Variants in ZBTB20 observed in about 807,000 individuals in gnomAD.
The protein encoded by ZBTB20 is zinc finger and BTB domain-containing protein 20.
Under a neutral mutation model 56.9 loss-of-function variants are expected in ZBTB20, and 9 were observed. The ratio of observed to expected loss-of-function variants is 0.16; its 90% CI spans 0.10 to 0.28. The LOEUF is 0.28. Among genes scored for constraint, ZBTB20 ranks in the 10% least tolerant of loss-of-function variants. The pLI, the probability that ZBTB20 is intolerant of heterozygous loss-of-function variation, is 1.00. For missense variants in ZBTB20, 655 were observed against 1,003.0 expected (o/e 0.65, Z 4.69); for synonymous variants, 417 against 420.7 (o/e 0.99, Z 0.11).
intron 7 of ZBTB20, among the ~76,000 whole-genome samples, chr3:114,389,857 C>T (rs1009613262): frequency 1.1e-4 from 15 of 138,464 alleles, no homozygotes; most frequent in Non-Finnish European, 1.7e-4. Flanking sequence ...CCACTGCACT[C>T]CAGCCTGGCA....
intron 2 of ZBTB20, among the ~76,000 whole-genome samples, chr3:115,049,526 A>G (rs1248555305): frequency 6.6e-6 from 1 of 152,168 alleles, no homozygotes; most frequent in African/African-American, 2.4e-5. Flanking sequence ...TTATATACGT[A>G]GCCTTAAGGT....
rs968953172 is a variant in ZBTB20, at chr3:114,335,504, C to A, written c.*3501G>T. 3 of 152,162 alleles carry A rather than the reference C, an allele frequency of 2.0e-5. No homozygotes were observed. Among genetic ancestry groups the A allele is most frequent in the Non-Finnish European group, 4.4e-5 (3 of 68,022 alleles). The allele number at this position is 152,162 out of a possible 1,614,324, so 9.4% of individuals were successfully genotyped here. On this transcript the variant is annotated 3_prime_UTR_variant, in exon 12 of 12. Coordinates refer to ENST00000675478, the MANE Select transcript of ZBTB20 (RefSeq NM_001348800.3). The stretch of plus-strand genomic sequence containing the variant: ...GCATCTCTATCCTTTTGAAACAGGT[C>A]CAGATTGGTTTATTTCCTAAAATGT...
At chr3:114,610,736 A>G (rs987524625) in intron 6 of ZBTB20, among the ~76,000 whole-genome samples, 1 of 152,206 alleles carries the variant, frequency 6.6e-6, no homozygotes, top group Non-Finnish European at 1.5e-5. Flanking sequence ...TGGGGCATAT[A>G]CATTTTGCTG....
chr3:114,341,888 C>T (rs903740000), intron 11 of ZBTB20, among the ~76,000 whole-genome samples: 2 of 152,170 alleles, frequency 1.3e-5, no homozygotes, highest in Admixed American at 6.5e-5. Context: ...CAGTGAATGA[C>T]CCAAGGGCAA....
At chr3:114,576,108 C>A (rs552295609) in intron 6 of ZBTB20, among the ~76,000 whole-genome samples, 9 of 152,298 alleles carry the variant, frequency 5.9e-5, no homozygotes, top group Non-Finnish European at 1.0e-4. Flanking sequence ...TTATTAAGCA[C>A]CTACTTTGTG....
chr3:114,902,928 A>G (rs953341503), intron 3 of ZBTB20, among the ~76,000 whole-genome samples: 3 of 152,176 alleles, frequency 2.0e-5, no homozygotes, highest in Non-Finnish European at 4.4e-5. Flanking sequence ...AGATTCTCTC[A>G]ATAGCAGTTC....
intron 6 of ZBTB20, among the ~76,000 whole-genome samples, chr3:114,514,463 T>A (rs927402102): frequency 2.6e-5 from 4 of 152,216 alleles, no homozygotes; most frequent in African/African-American, 9.6e-5. Flanking sequence ...GAGCTTTTCT[T>A]ACGAATACCA....
chr3:115,110,392 C>T (rs1365115214), intron 1 of ZBTB20, among the ~76,000 whole-genome samples: 1 of 152,010 alleles, frequency 6.6e-6, no homozygotes, highest in Non-Finnish European at 1.5e-5. Context: ...CACTTAGCCC[C>T]AATAAGCTGT....
chr3:114,999,032 A>C (rs1576527007), intron 2 of ZBTB20, among the ~76,000 whole-genome samples: 1 of 71,458 alleles, frequency 1.4e-5, no homozygotes, highest in African/African-American at 5.5e-5. Context: ...TGGGGAGGGG[A>C]GGGGAGGGAA....
intron 6 of ZBTB20, among the ~76,000 whole-genome samples, chr3:114,612,648 T>C (rs1005195617): frequency 6.6e-6 from 1 of 152,216 alleles, no homozygotes; most frequent in Non-Finnish European, 1.5e-5. Flanking sequence ...ATATTCACTA[T>C]TAGACATACT....
chr3:114,398,403 G>A (rs2086524151), intron 7 of ZBTB20, among the ~76,000 whole-genome samples: 1 of 152,092 alleles, frequency 6.6e-6, no homozygotes, highest in African/African-American at 2.4e-5. Flanking sequence ...CCCAATTTCT[G>A]TAGCTATTGG....
rs1460252990 is a variant in ZBTB20, at chr3:114,338,136, T to C, written c.*869A>G. ...AGATTGTTGGAAATAATCCTTCTCT[T>C]GTACCTAGAAACATAGGTGCAAATT... On this transcript the variant is annotated 3_prime_UTR_variant, in exon 12 of 12. Coordinates refer to ENST00000675478, the MANE Select transcript of ZBTB20 (RefSeq NM_001348800.3). 1 of 152,094 alleles carries C rather than the reference T, an allele frequency of 6.6e-6. No homozygotes were observed. The highest frequency in any genetic ancestry group is 1.5e-5 in the Non-Finnish European group (1 of 68,024). 9.4% of individuals were successfully genotyped at this position (152,094 alleles called of 1,614,324 possible).
chr3:115,106,782 C>T (rs2083735747), intron 1 of ZBTB20, among the ~76,000 whole-genome samples: 1 of 152,148 alleles, frequency 6.6e-6, no homozygotes, highest in African/African-American at 2.4e-5. Context: ...AAGAGACTCC[C>T]TCCCCACCAT....
intron 4 of ZBTB20, among the ~76,000 whole-genome samples, chr3:114,872,753 C>T (rs1205915361): frequency 1.3e-5 from 2 of 152,032 alleles, no homozygotes; most frequent in African/African-American, 4.8e-5. Flanking sequence ...ACTTGCTCAG[C>T]TAGTAACTGC....
intron 6 of ZBTB20, among the ~76,000 whole-genome samples, chr3:114,531,779 C>A (rs951566618): frequency 3.3e-5 from 5 of 152,320 alleles, no homozygotes; most frequent in Middle Eastern, 3.4e-3. Context: ...GCATTTCCAA[C>A]AGAGGTACCT....
In ZBTB20 at chr3:114,580,286, G is replaced by C. The variant is rs115541369; in HGVS notation, c.-294-79895C>G. Among the ~76,000 whole-genome samples, 1,219 of 151,592 alleles carry C rather than the reference G, an allele frequency of 8.0e-3. 20 individuals are homozygous for C. The highest frequency in any genetic ancestry group is 0.027 in the African/African-American group (1,134 of 41,436). ...TATTATTGATGCAGAAAATGCATTAGATAAAATTTAACTAGTATTTCTGAT... is the reference window on the plus strand; with the variant it reads ...TATTATTGATGCAGAAAATGCATTACATAAAATTTAACTAGTATTTCTGAT... On this transcript the variant is annotated intron_variant, in intron 6 of 11. Transcript: ENST00000675478.
At chr3:114,405,377 T>C (rs2087215273) in intron 7 of ZBTB20, among the ~76,000 whole-genome samples, 1 of 152,130 alleles carries the variant, frequency 6.6e-6, no homozygotes, top group Non-Finnish European at 1.5e-5. Context: ...TGTATACAAT[T>C]TGAGTTTCAC....
intron 6 of ZBTB20, among the ~76,000 whole-genome samples, chr3:114,641,619 A>G (rs1169402886): frequency 4.0e-5 from 6 of 151,624 alleles, no homozygotes; most frequent in Non-Finnish European, 4.4e-5. Context: ...ATTTTATTTT[A>G]TTTTACTTGT....
At chr3:115,077,948 T>C (rs1398829728) in intron 1 of ZBTB20, among the ~76,000 whole-genome samples, 1 of 152,220 alleles carries the variant, frequency 6.6e-6, no homozygotes, top group Non-Finnish European at 1.5e-5. Context: ...CTCTAAATGA[T>C]GCACTTGTAC....
Sources: allele counts gnomAD v4.1 joint callset (sites outside exome capture counted in the v4.1 genomes callset), GRCh38; gene constraint gnomAD v4.1.1; transcripts MANE v1.5; gene names NCBI Gene and HGNC (gene_info 2026-07-23, HGNC 2026-07-21).